SWT1: variants seen among roughly 807,000 people sequenced by gnomAD.
The protein encoded by SWT1 is SWT1 RNA endoribonuclease homolog, also known as transcriptional protein SWT1.
In SWT1, 33 loss-of-function variants were observed where a neutral mutation model predicts 107.3. The ratio of observed to expected loss-of-function variants is 0.31; its 90% CI spans 0.23 to 0.41. The LOEUF (loss-of-function observed/expected upper bound fraction) is 0.41. SWT1 is among the 10% of genes least tolerant of loss of function. The pLI, the probability that SWT1 is intolerant of heterozygous loss-of-function variation, is 1.00. For synonymous variants in SWT1, 345 were observed against 348.3 expected (o/e 0.99, Z 0.11); for missense variants, 898 against 1,028.9 (o/e 0.87, Z 1.74).
chr1:185,159,714 AATATTTTTTT>A (rs891375846), intron 1 of SWT1, among the ~76,000 whole-genome samples: 2 of 152,066 alleles, frequency 1.3e-5, no homozygotes, highest in Admixed American at 6.6e-5. Flanking sequence ...TATGTATTTT[AATATTTTTTT>A]ATATTTTTTT....
At chr1:185,232,618 G>A (rs1326438369) in intron 16 of SWT1, among the ~76,000 whole-genome samples, 2 of 152,164 alleles carry the variant, frequency 1.3e-5, no homozygotes, top group African/African-American at 2.4e-5. Context: ...GATGAGGCTG[G>A]ATCGAGGTTG....
rs1656274603 is a variant in SWT1, at chr1:185,184,361, T to C, written c.1240+17T>C. 4 of 1,373,156 alleles carry C rather than the reference T, an allele frequency of 2.9e-6. No homozygotes were observed. The highest frequency in any genetic ancestry group is 4.6e-5 in the East Asian group (2 of 43,232). 85.1% of individuals were successfully genotyped at this position (1,373,156 alleles called of 1,614,324 possible). ...AAGTACCAGGTATTTACAGAACATA[T>C]TTAAAGATTCTGATTTTCTTCCTTG... On this transcript the variant is annotated intron_variant, in intron 8 of 18. Transcript: ENST00000367500.
At chr1:185,277,035 A>G (rs1312144162) in intron 18 of SWT1, among the ~76,000 whole-genome samples, 1 of 152,156 alleles carries the variant, frequency 6.6e-6, no homozygotes, top group Non-Finnish European at 1.5e-5. Context: ...AAAAATAACA[A>G]CTACATGTTA....
chr1:185,283,673 TCACAA>T (rs938116449), intron 18 of SWT1, among the ~76,000 whole-genome samples: 2 of 152,188 alleles, frequency 1.3e-5, no homozygotes, highest in African/African-American at 4.8e-5. Flanking sequence ...CTGAAACTCA[TCACAA>T]CACACTTCTG....
At chr1:185,260,437 G>A (rs529240701) in intron 16 of SWT1, among the ~76,000 whole-genome samples, 1 of 152,218 alleles carries the variant, frequency 6.6e-6, no homozygotes, top group Non-Finnish European at 1.5e-5. Flanking sequence ...CATAAGACTA[G>A]CATCACAAAT....
At position 185,258,367 on chromosome 1, in the gene SWT1, A is replaced by G. The variant is rs1571642731; in HGVS notation, c.2442-12956A>G. ...TCCAAATTATTTGTTACTATATAACACAGTTTTTGTTGTGTTTAGCTTTAT... is the reference window on the plus strand; with the variant it reads ...TCCAAATTATTTGTTACTATATAACGCAGTTTTTGTTGTGTTTAGCTTTAT... On this transcript the variant is annotated intron_variant, in intron 16 of 18. Coordinates refer to ENST00000367500, the MANE Select transcript of SWT1 (RefSeq NM_017673.7). 2.0e-5 allele frequency among the ~76,000 whole-genome samples: 3 copies of G among 152,216 alleles called. No individual in the cohort carries two copies. In the South Asian group the frequency reaches 6.2e-4, roughly 32 times the overall value.
chr1:185,200,770 C>T (rs746102275), intron 10 of SWT1, among the ~76,000 whole-genome samples: 10 of 152,210 alleles, frequency 6.6e-5, no homozygotes, highest in African/African-American at 1.7e-4. Flanking sequence ...TAGCAGAGCT[C>T]GAGCGCTGTG....
chr1:185,287,402 G>A (rs796267689), intron 18 of SWT1, among the ~76,000 whole-genome samples: 9 of 152,132 alleles, frequency 5.9e-5, no homozygotes, highest in African/African-American at 2.2e-4. Flanking sequence ...GTTCTCGAAA[G>A]GATCAGGAAT....
chr1:185,161,989 A>G lies in SWT1; in HGVS notation c.84+1064A>G, dbSNP rs141608344. On this transcript the variant is annotated intron_variant, in intron 2 of 18. Coordinates refer to ENST00000367500, the MANE Select transcript of SWT1 (RefSeq NM_017673.7). The stretch of plus-strand genomic sequence containing the variant: ...TTCATAAGACTTTTTCATGACCTGG[A>G]TGAAGTTCCAGATAGTGTGCTTTTT... Among the ~76,000 whole-genome samples the G allele has an allele frequency of 3.9e-5, 6 of 152,304 alleles. No homozygotes were observed. The East Asian group carries it at 5.8e-4, about 15-fold the overall frequency.
intron 18 of SWT1, among the ~76,000 whole-genome samples, chr1:185,285,414 G>T (rs993777397): frequency 6.6e-6 from 1 of 151,986 alleles, no homozygotes; most frequent in Non-Finnish European, 1.5e-5. Context: ...AACACCTGGC[G>T]GTTCAACATG....
intron 4 of SWT1, among the ~76,000 whole-genome samples, chr1:185,173,668 C>T (rs1340927731): frequency 6.6e-6 from 1 of 151,922 alleles, no homozygotes; most frequent in Non-Finnish European, 1.5e-5. Context: ...AAGATCGCGC[C>T]ACTGCACTCC....
chr1:185,182,535 T>C (rs1280118243), intron 7 of SWT1, among the ~76,000 whole-genome samples: 6 of 151,864 alleles, frequency 4.0e-5, no homozygotes, highest in Non-Finnish European at 1.5e-5. Flanking sequence ...TGTGATGGGA[T>C]GCGCCTGTAG....
chr1:185,167,659 A>G (rs1390923709), intron 3 of SWT1, among the ~76,000 whole-genome samples: 1 of 152,144 alleles, frequency 6.6e-6, no homozygotes, highest in African/African-American at 2.4e-5. Flanking sequence ...TACCTTAACT[A>G]TCCAGTTTTC....
At chr1:185,210,271 G>C (rs1287558627) in intron 13 of SWT1, among the ~76,000 whole-genome samples, 1 of 152,092 alleles carries the variant, frequency 6.6e-6, no homozygotes, top group Non-Finnish European at 1.5e-5. Flanking sequence ...ATTACTTTTG[G>C]TGTTTTAGTC....
chr1:185,224,724 T>C (rs929218508), intron 15 of SWT1, among the ~76,000 whole-genome samples: 1 of 152,186 alleles, frequency 6.6e-6, no homozygotes, highest in Non-Finnish European at 1.5e-5. Context: ...TGGTAGCTAT[T>C]ATAAATTGAA....
At chr1:185,249,594 G>A (rs1661862034) in intron 16 of SWT1, among the ~76,000 whole-genome samples, 1 of 152,090 alleles carries the variant, frequency 6.6e-6, no homozygotes, top group Non-Finnish European at 1.5e-5. Flanking sequence ...AGTACCTACC[G>A]TTCCTCTAGA....
At chr1:185,227,196 T>A in intron 15 of SWT1, 1 of 863,122 alleles carries the variant, frequency 1.2e-6, no homozygotes, top group Non-Finnish European at 2.0e-6. Flanking sequence ...CAAGCATCCA[T>A]CCACAGCTCC....
At chr1:185,225,533 C>T (rs983455479) in intron 15 of SWT1, among the ~76,000 whole-genome samples, 2 of 152,118 alleles carry the variant, frequency 1.3e-5, no homozygotes, top group African/African-American at 4.8e-5. Flanking sequence ...ATGAAGCCAT[C>T]AGGTTCCAGA....
At position 185,190,651 on chromosome 1, in the gene SWT1, C is replaced by T; in HGVS notation, c.1523+9C>T. 6.6e-7 allele frequency: 1 copy of T among 1,518,072 alleles called. No homozygotes were observed. The highest frequency in any genetic ancestry group is 1.2e-5 in the South Asian group (1 of 86,548). 94.0% of individuals were successfully genotyped at this position (1,518,072 alleles called of 1,614,324 possible). A position where few individuals can be genotyped will look rare whatever the true frequency, so the allele number is the denominator to read the frequency against. ...TTTGTTATTCTGTGCACGTGAGTTT[C>T]ATAGTCATTTGACTTTTTATTTTTA... is the stretch of plus-strand genomic sequence containing the variant. On this transcript the variant is annotated intron_variant, in intron 10 of 18. Coordinates refer to ENST00000367500, the MANE Select transcript of SWT1 (RefSeq NM_017673.7).
Sources: allele counts gnomAD v4.1 joint callset (sites outside exome capture counted in the v4.1 genomes callset), GRCh38; gene constraint gnomAD v4.1.1; transcripts MANE v1.5; gene names NCBI Gene and HGNC (gene_info 2026-07-23, HGNC 2026-07-21).